The following GSN variants were observed in gnomAD, a reference collection of about 807,000 sequenced individuals.
GSN encodes the protein actin-depolymerizing factor.
A neutral mutation model predicts 85.7 loss-of-function variants in GSN; 56 were observed. That is an observed-to-expected ratio of 0.65 (90% CI 0.53 to 0.82). GSN has a LOEUF of 0.82. GSN is among the 40% of genes least tolerant of loss of function. GSN has a pLI of 0.00. For synonymous variants in GSN, 373 were observed against 399.1 expected, an observed-to-expected ratio of 0.93 and a Z score of 0.78; for missense variants, 857 against 979.8, an observed-to-expected ratio of 0.87 and a Z score of 1.67.
rs752607226 is a variant in GSN at position 121,312,447 on chromosome 9, C to T, written c.622C>T (p.His208Tyr). 5 of 1,614,010 alleles carry T rather than the reference C, an allele frequency of 3.1e-6. No homozygotes were observed. The highest frequency in any genetic ancestry group is 4.2e-6 in the Non-Finnish European group (5 of 1,179,986). ...CGAGCGGAGTGGCCGGGCCCGAGTG[C>T]ACGTGTCTGAGGAGGGCACTGAGCC... ...DNERSGRARVHVSEEGTEPEA... is the reference protein window; with the variant it reads ...DNERSGRARVYVSEEGTEPEA... Residue 208 changes from histidine (H) to tyrosine (Y), a missense_variant, in exon 6 of 18, where the codon CAC becomes TAC. Coordinates refer to ENST00000432226, the MANE Select transcript of GSN (RefSeq NM_198252.3).
chr9:121,217,233 G>A (rs60303560), intron 4 of GSN, among the ~76,000 whole-genome samples: 3,367 of 152,034 alleles, frequency 0.022, 111 homozygotes, highest in African/African-American at 0.077. Flanking sequence ...GGGTGTGGTG[G>A]TGGGCACCTG....
chr9:121,312,574 T>A, intron 6 of GSN, 86 bp downstream of exon 6: 2 of 1,036,858 alleles, frequency 1.9e-6, no homozygotes, highest in Non-Finnish European at 2.7e-6. Context: ...GAGGTGAATT[T>A]GAGGAAAAAA....
upstream of GSN, among the ~76,000 whole-genome samples, chr9:121,204,985 C>T (rs1486695100): frequency 6.6e-6 from 1 of 152,168 alleles, no homozygotes; most frequent in African/African-American, 2.4e-5. Flanking sequence ...ACATCTCTTC[C>T]TATTGTCCTG....
At chr9:121,313,467 G>A (rs2061392648) in intron 6 of GSN, 1 of 243,644 alleles carries the variant, frequency 4.1e-6, no homozygotes, top group African/African-American at 2.2e-5. Flanking sequence ...TGAAGCCACA[G>A]GGATGGAGGT....
chr9:121,303,075 G>C lies in GSN; in HGVS notation c.351+10G>C, dbSNP rs1413190706. 1 of 1,612,034 alleles carries C rather than the reference G, an allele frequency of 6.2e-7. No homozygotes were observed. Among genetic ancestry groups the C allele is most frequent in the East Asian group, 2.2e-5 (1 of 44,888 alleles). Reference sequence around the variant, plus strand: ...TGGCCTGAAGTACAAGGTGGGTTGGGCCCCACCTTGCTTGAGCGGTAGGGA... The same window carrying C: ...TGGCCTGAAGTACAAGGTGGGTTGGCCCCCACCTTGCTTGAGCGGTAGGGA... On this transcript the variant is annotated intron_variant, in intron 4 of 17. Coordinates refer to ENST00000432226, the MANE Select transcript of GSN (RefSeq NM_198252.3).
chr9:121,263,062 A>G (rs1419821800), upstream of GSN, among the ~76,000 whole-genome samples: 4 of 152,212 alleles, frequency 2.6e-5, no homozygotes, highest in Admixed American at 2.0e-4. Context: ...ATAAATGGAC[A>G]ATCTGAATGC....
chr9:121,279,228 G>C (rs1052088969), intron 1 of GSN, among the ~76,000 whole-genome samples: 1 of 152,214 alleles, frequency 6.6e-6, no homozygotes, highest in Non-Finnish European at 1.5e-5. Flanking sequence ...AGCCATGAGG[G>C]CCAAGGCTCA....
rs369037258 is a variant in GSN at position 121,329,027 on chromosome 9, C to T, written c.1887+12C>T. ...TTGGACGTTTTGTGGTGAGCCCCTG[C>T]GGAGGTCACACCTCTGCTTTCCCCT... On this transcript the variant is annotated intron_variant, in intron 15 of 17. Transcript: ENST00000432226. The surrounding 1 kb of genome is among the most constrained non-coding windows in gnomAD (Gnocchi z 4.6). 3.6e-5 allele frequency: 58 copies of T among 1,613,050 alleles called. 2 individuals carry two copies. The South Asian group carries it at 3.6e-4, about 10-fold the overall frequency.
intron 4 of GSN, among the ~76,000 whole-genome samples, chr9:121,227,261 G>A (rs1034487207): frequency 1.3e-5 from 2 of 152,134 alleles, no homozygotes; most frequent in Non-Finnish European, 2.9e-5. Flanking sequence ...AGGCGTGGTG[G>A]TGCGTGCCTG....
intron 7 of GSN, among the ~76,000 whole-genome samples, chr9:121,316,717 C>G (rs937546322): frequency 3.9e-5 from 6 of 152,230 alleles, no homozygotes; most frequent in African/African-American, 1.4e-4. Context: ...GCCATCCACC[C>G]ACCTGGGCCT....
chr9:121,208,854 G>C (rs1422920716), intron 1 of GSN, among the ~76,000 whole-genome samples: 1 of 152,210 alleles, frequency 6.6e-6, no homozygotes, highest in Non-Finnish European at 1.5e-5. Context: ...GCAGGTGTTA[G>C]AGCACCTTGA....
At chr9:121,234,401 A>G (rs1003039005) in intron 5 of GSN, among the ~76,000 whole-genome samples, 18 of 152,294 alleles carry the variant, frequency 1.2e-4, no homozygotes, top group African/African-American at 4.3e-4. Flanking sequence ...CACAGCACCG[A>G]TCCCTTCCGG....
chr9:121,215,539 C>T (rs959952266), intron 4 of GSN, among the ~76,000 whole-genome samples: 2 of 151,920 alleles, frequency 1.3e-5, no homozygotes, highest in African/African-American at 4.8e-5. Flanking sequence ...ACTAAAAATA[C>T]CAAAATTAGC....
At chr9:121,209,588 TC>T (rs2053938276) in intron 2 of GSN, among the ~76,000 whole-genome samples, 1 of 152,210 alleles carries the variant, frequency 6.6e-6, no homozygotes, top group Non-Finnish European at 1.5e-5. Flanking sequence ...TTTGGAAAGT[TC>T]CTTAAGGTCT....
intron 7 of GSN, among the ~76,000 whole-genome samples, chr9:121,315,229 G>A (rs1457095866): frequency 1.3e-5 from 2 of 152,130 alleles, no homozygotes; most frequent in East Asian, 3.8e-4. Flanking sequence ...ACTCAACATG[G>A]TCGGGAATAT....
intron 2 of GSN, chr9:121,300,112 CTG>C: frequency 1.2e-6 from 2 of 1,609,994 alleles, no homozygotes; most frequent in Non-Finnish European, 1.7e-6. Context: ...AATGGAAAAA[CTG>C]TTTTGTTGCT....
chr9:121,319,006 G>A, intron 10 of GSN, 126 bp downstream of exon 10: 1 of 793,316 alleles, frequency 1.3e-6, no homozygotes. Context: ...AGATTCTTTG[G>A]TGTTACTTAG....
intron 4 of GSN, among the ~76,000 whole-genome samples, chr9:121,213,446 T>C (rs2054003205): frequency 6.6e-6 from 1 of 152,244 alleles, no homozygotes; most frequent in African/African-American, 2.4e-5. Flanking sequence ...ACTCCCAGCC[T>C]GTGGCTACTG....
At chr9:121,262,037 T>G in intron 6 of GSN, among the ~76,000 whole-genome samples, 1 of 152,196 alleles carries the variant, frequency 6.6e-6, no homozygotes, top group South Asian at 2.1e-4. Flanking sequence ...GTTCACAATC[T>G]TTCTGAGAGT....
Sources: gnomAD v4.1 joint callset for allele counts (sites outside exome capture counted in the v4.1 genomes callset) on GRCh38, gnomAD v4.1.1 for gene constraint, Gnocchi (gnomAD v3.1) non-coding constraint, MANE v1.5 for transcripts, NCBI Gene and HGNC (gene_info 2026-07-23, HGNC 2026-07-21) for gene names.